The following ROBO2 variants were observed in gnomAD, a reference collection of about 807,000 sequenced individuals.
ROBO2 encodes the protein roundabout guidance receptor 2.
A neutral mutation model predicts 160.8 loss-of-function variants in ROBO2; 53 were observed. The observed-to-expected ratio is 0.33, with a 90% CI of 0.26 to 0.41. The LOEUF is 0.41. ROBO2 is among the 10% of genes least tolerant of loss of function. The pLI is 1.00. For missense variants in ROBO2, 1,577 were observed against 1,722.4 expected (o/e 0.92, Z 1.49); for synonymous variants, 664 against 611.7 (o/e 1.09, Z -1.26).
chr3:77,067,734 A>G (rs1236778786), intron 1 of ROBO2, among the ~76,000 whole-genome samples: 1 of 152,158 alleles, frequency 6.6e-6, no homozygotes, highest in African/African-American at 2.4e-5. Flanking sequence ...CCTTAGAAAC[A>G]GTAGACGCAG....
At chr3:77,075,511 G>T (rs1310120746) in intron 1 of ROBO2, among the ~76,000 whole-genome samples, 1 of 151,852 alleles carries the variant, frequency 6.6e-6, no homozygotes, top group Non-Finnish European at 1.5e-5. Context: ...GGCAGGGTTG[G>T]GCTTTACTGT....
At chr3:76,651,539 G>A (rs1171777236) in intron 2 of ROBO2, among the ~76,000 whole-genome samples, 1 of 151,754 alleles carries the variant, frequency 6.6e-6, no homozygotes, top group Admixed American at 6.6e-5. Context: ...TGAGAGAGAT[G>A]ACTAGTAGCT....
intron 5 of ROBO2, among the ~76,000 whole-genome samples, chr3:77,508,246 A>G (rs531464785): frequency 6.7e-6 from 1 of 150,294 alleles, no homozygotes; most frequent in African/African-American, 2.4e-5. Context: ...AGATATCTTT[A>G]TATTTGAATC....
chr3:77,090,251 A>C (rs1210553825), intron 1 of ROBO2, among the ~76,000 whole-genome samples: 1 of 151,476 alleles, frequency 6.6e-6, no homozygotes, highest in Non-Finnish European at 1.5e-5. Context: ...GGAGAAAAAA[A>C]TACTACACTG....
At chr3:76,682,868 A>G (rs879522213) in intron 2 of ROBO2, among the ~76,000 whole-genome samples, 1 of 152,196 alleles carries the variant, frequency 6.6e-6, no homozygotes, top group African/African-American at 2.4e-5. Context: ...CAGGACATTC[A>G]GGGGTACACG....
intron 2 of ROBO2, among the ~76,000 whole-genome samples, chr3:76,256,347 C>G (rs1706375980): frequency 1.1e-5 from 1 of 88,644 alleles, no homozygotes; most frequent in Non-Finnish European, 2.8e-5. Flanking sequence ...CTCTCTCTCT[C>G]TCTCTCACAT....
chr3:76,960,395 T>C (rs2079561996), intron 2 of ROBO2, among the ~76,000 whole-genome samples: 1 of 152,058 alleles, frequency 6.6e-6, no homozygotes, highest in African/African-American at 2.4e-5. Flanking sequence ...CTTTCAACAG[T>C]ACACTGATTA....
intron 2 of ROBO2, among the ~76,000 whole-genome samples, chr3:76,823,781 G>A (rs1399671535): frequency 6.6e-6 from 1 of 152,082 alleles, no homozygotes; most frequent in Non-Finnish European, 1.5e-5. Flanking sequence ...GAGAAGGGGA[G>A]ATAACGGAAT....
intron 22 of ROBO2, among the ~76,000 whole-genome samples, chr3:77,618,559 A>G (rs914574962): frequency 3.3e-5 from 5 of 151,988 alleles, no homozygotes; most frequent in Admixed American, 6.6e-5. Flanking sequence ...TCATACTCCA[A>G]TTTTCTTCTG....
intron 2 of ROBO2, among the ~76,000 whole-genome samples, chr3:76,933,501 C>T (rs755882086): frequency 6.6e-6 from 1 of 152,138 alleles, no homozygotes; most frequent in Non-Finnish European, 1.5e-5. Context: ...ACATACCATT[C>T]AAAACAAAAT....
At chr3:76,469,713 T>C (rs2078552237) in intron 2 of ROBO2, among the ~76,000 whole-genome samples, 1 of 152,086 alleles carries the variant, frequency 6.6e-6, no homozygotes, top group South Asian at 2.1e-4. Context: ...TCCCTCTAGT[T>C]AGTCACAGAG....
intron 6 of ROBO2, among the ~76,000 whole-genome samples, chr3:77,542,341 C>A (rs1044324007): frequency 1.3e-5 from 2 of 152,140 alleles, no homozygotes; most frequent in Admixed American, 1.3e-4. Flanking sequence ...GACTTGAATA[C>A]TCTTCAAATT....
At position 76,890,096 on chromosome 3, in the gene ROBO2, A is replaced by G. The variant is rs75006744; in HGVS notation, c.110-207918A>G. ...ATTTCAGGATTCTGAGCCAGACACT[A>G]TCATCATCTGTTTGACATTTTCACA... On this transcript the variant is annotated intron_variant, in intron 2 of 26. Transcript: ENST00000487694. Among the ~76,000 whole-genome samples the G allele has an allele frequency of 1.8e-3, 277 of 152,300 alleles. 3 individuals carry two copies. The highest frequency in any genetic ancestry group is 6.6e-3 in the South Asian group (32 of 4,826).
chr3:76,358,453 C>T (rs777226924), intron 2 of ROBO2, among the ~76,000 whole-genome samples: 5 of 151,970 alleles, frequency 3.3e-5, no homozygotes, highest in African/African-American at 4.8e-5. Context: ...TATTCAGACT[C>T]ACTTGCTAGG....
At chr3:77,307,611 G>A (rs1261076596) in intron 2 of ROBO2, among the ~76,000 whole-genome samples, 2 of 152,136 alleles carry the variant, frequency 1.3e-5, no homozygotes, top group Non-Finnish European at 2.9e-5. Context: ...GGCAAGGTGC[G>A]GTAGCTCACA....
intron 2 of ROBO2, among the ~76,000 whole-genome samples, chr3:76,581,869 G>C (rs1180376697): frequency 6.6e-6 from 1 of 152,118 alleles, no homozygotes; most frequent in Non-Finnish European, 1.5e-5. Context: ...TAATTTTCAA[G>C]ATATATCAGG....
chr3:77,278,168 G>A (rs2153367458), intron 2 of ROBO2, among the ~76,000 whole-genome samples: 1 of 152,210 alleles, frequency 6.6e-6, no homozygotes, highest in South Asian at 2.1e-4. Flanking sequence ...GACATTCTTA[G>A]AATTAATATA....
At chr3:75,907,761 A>G (rs1290826506) in intron 1 of ROBO2, among the ~76,000 whole-genome samples, 1 of 152,176 alleles carries the variant, frequency 6.6e-6, no homozygotes, top group Non-Finnish European at 1.5e-5. Context: ...GGATTGATAG[A>G]GAAATTCTGG....
chr3:76,450,529 T>G (rs1025875357), intron 2 of ROBO2, among the ~76,000 whole-genome samples: 2 of 152,208 alleles, frequency 1.3e-5, no homozygotes, highest in African/African-American at 4.8e-5. Flanking sequence ...TTTCCCAGGC[T>G]AGTCACCAAC....
Sources: allele counts gnomAD v4.1 joint callset (sites outside exome capture counted in the v4.1 genomes callset), GRCh38; gene constraint gnomAD v4.1.1; transcripts MANE v1.5; gene names NCBI Gene and HGNC (gene_info 2026-07-23, HGNC 2026-07-21).